Variants in EXOC2 observed in about 807,000 individuals in gnomAD.
The protein encoded by EXOC2 is exocyst complex component 2.
Under a neutral mutation model 131.8 loss-of-function variants are expected in EXOC2, and 70 were observed. That is an observed-to-expected ratio of 0.53 (90% CI 0.44 to 0.65). The LOEUF is 0.65. Among genes scored for constraint, EXOC2 ranks in the 30% least tolerant of loss-of-function variants. The probability of loss-of-function intolerance (pLI) is 0.00; values close to 1 mark genes in which losing one functional copy is unlikely to be tolerated. For synonymous variants in EXOC2, 411 were observed against 398.4 expected (o/e 1.03, Z -0.38); for missense variants, 923 against 1,108.6 (o/e 0.83, Z 2.38).
chr6:634,786 A>G (rs1762021159), intron 2 of EXOC2, among the ~76,000 whole-genome samples: 1 of 152,164 alleles, frequency 6.6e-6, no homozygotes. Context: ...TTCATTATTC[A>G]AAATTATTTT....
At chr6:492,398 C>T (rs780830222) in intron 25 of EXOC2, among the ~76,000 whole-genome samples, 10 of 152,202 alleles carry the variant, frequency 6.6e-5, no homozygotes, top group Non-Finnish European at 1.3e-4. Context: ...CAATTCCGCT[C>T]CTTGGTATGC....
chr6:495,726 G>C (rs1220208914), intron 25 of EXOC2, among the ~76,000 whole-genome samples: 1 of 152,108 alleles, frequency 6.6e-6, no homozygotes, highest in Non-Finnish European at 1.5e-5. Context: ...TTATCCTGAT[G>C]GATGTGTGAT....
chr6:599,251 T>G, intron 7 of EXOC2, 26 bp from the exon 8 acceptor site: 1 of 1,513,442 alleles, frequency 6.6e-7, no homozygotes, highest in Non-Finnish European at 8.9e-7. Context: ...GAAAGGAAAC[T>G]TAGATGAAAG....
intron 22 of EXOC2, among the ~76,000 whole-genome samples, chr6:538,322 C>T (rs2127549769): frequency 6.6e-6 from 1 of 152,288 alleles, no homozygotes; most frequent in Admixed American, 6.5e-5. Flanking sequence ...TCACTAACAC[C>T]CTGTTCACAC....
intron 23 of EXOC2, among the ~76,000 whole-genome samples, chr6:518,769 A>G (rs1020388660): frequency 7.2e-5 from 11 of 152,240 alleles, no homozygotes; most frequent in African/African-American, 2.4e-4. Flanking sequence ...AAAGATGACC[A>G]ATGAAAATTA....
rs556560260 is a variant in EXOC2, at chr6:618,255, T to C, written c.537-420A>G. Among the ~76,000 whole-genome samples, 7 of 152,332 alleles carry C rather than the reference T, an allele frequency of 4.6e-5. No homozygotes were observed. In the South Asian group the frequency reaches 1.0e-3, roughly 23 times the overall value. ...ACTGCTTTGTACATTCACTGAAGCA[T>C]TGTGGAACACTAAGCATAATGTTAT... On this transcript the variant is annotated intron_variant, in intron 5 of 27. Transcript: ENST00000230449.
intron 22 of EXOC2, among the ~76,000 whole-genome samples, chr6:547,105 T>C (rs1395009919): frequency 6.6e-6 from 1 of 152,268 alleles, no homozygotes; most frequent in Non-Finnish European, 1.5e-5. Context: ...ATGATACCAT[T>C]CCTGATTTCA....
In EXOC2 at chr6:506,209, T is replaced by G. The variant is rs1300140682; in HGVS notation, c.2381-6509A>C. On this transcript the variant is annotated intron_variant, in intron 23 of 27. Coordinates refer to ENST00000230449, the MANE Select transcript of EXOC2 (RefSeq NM_018303.6). This position sits in a 1 kb window ranked among gnomAD's most constrained non-coding sequence, Gnocchi z 4.4. ...AAAATATGCTTTATTTTTCCAGCAATATACTGAAATAATGTCATTAGGTAT... is the reference window on the plus strand; with the variant it reads ...AAAATATGCTTTATTTTTCCAGCAAGATACTGAAATAATGTCATTAGGTAT... 6.6e-6 allele frequency among the ~76,000 whole-genome samples: 1 copy of G among 152,242 alleles called. No individual in the cohort carries two copies. The highest frequency in any genetic ancestry group is 2.4e-5 in the African/African-American group (1 of 41,466).
chr6:669,721 A>G (rs1763777613), intron 1 of EXOC2: 1 of 152,464 alleles, frequency 6.6e-6, no homozygotes. Flanking sequence ...AAAGGACTTC[A>G]CAGTGATGGT....
chr6:536,860 TTATAAAA>T (rs1766473200), intron 22 of EXOC2, among the ~76,000 whole-genome samples: 1 of 152,142 alleles, frequency 6.6e-6, no homozygotes, highest in African/African-American at 2.4e-5. Context: ...TCAAAAGATA[TTATAAAA>T]ACAAAACAGC....
chr6:683,575 AACCG>A (rs1764509706), intron 1 of EXOC2, among the ~76,000 whole-genome samples: 1 of 112,136 alleles, frequency 8.9e-6, no homozygotes. Flanking sequence ...TCAAGAAACC[AACCG>A]TCAGCTTAAA....
chr6:616,648 GCTGCATCACATACA>G (rs1025409574), intron 6 of EXOC2, among the ~76,000 whole-genome samples: 7 of 149,032 alleles, frequency 4.7e-5, no homozygotes, highest in Non-Finnish European at 7.4e-5. Context: ...CAAGGAAGAA[GCTGCATCACATACA>G]CTGCATCACA....
intron 23 of EXOC2, chr6:525,166 T>G (rs1393354284): frequency 6.6e-6 from 1 of 152,242 alleles, no homozygotes; most frequent in Admixed American, 6.5e-5. Flanking sequence ...GCACTTTTTA[T>G]TCTGTGGTAG....
At chr6:644,534 A>T (rs1427425632) in intron 1 of EXOC2, among the ~76,000 whole-genome samples, 1 of 152,144 alleles carries the variant, frequency 6.6e-6, no homozygotes, top group Non-Finnish European at 1.5e-5. Context: ...AATAAAAAGC[A>T]GAAAGATGGC....
chr6:572,822 C>A (rs773946421), intron 12 of EXOC2, among the ~76,000 whole-genome samples, 178 bp from the exon 13 acceptor site: 2 of 152,240 alleles, frequency 1.3e-5, no homozygotes, highest in Non-Finnish European at 2.9e-5. Context: ...ACGCTCGTCA[C>A]CAGACACCCC....
intron 13 of EXOC2, among the ~76,000 whole-genome samples, chr6:568,611 C>T (rs1055985878): frequency 7.9e-5 from 12 of 152,140 alleles, no homozygotes; most frequent in African/African-American, 2.9e-4. Context: ...GATTCGTGGA[C>T]GCTTGCTTCA....
intron 13 of EXOC2, among the ~76,000 whole-genome samples, chr6:566,508 C>T (rs1456597011): frequency 2.0e-5 from 3 of 152,190 alleles, no homozygotes; most frequent in East Asian, 1.9e-4. Context: ...CACGCCCGCT[C>T]GGCTAACACC....
chr6:590,300 T>C (rs1004839375), intron 11 of EXOC2, among the ~76,000 whole-genome samples: 1 of 152,154 alleles, frequency 6.6e-6, no homozygotes. Context: ...TTGCTAAAAA[T>C]ATAAAATAAT....
intron 1 of EXOC2, among the ~76,000 whole-genome samples, chr6:683,257 A>T (rs1202863817): frequency 6.6e-6 from 1 of 152,238 alleles, no homozygotes; most frequent in East Asian, 1.9e-4. Context: ...GAAGCTAAAC[A>T]ATGCAAAATC....
Sources: allele counts gnomAD v4.1 joint callset (sites outside exome capture counted in the v4.1 genomes callset), GRCh38; gene constraint gnomAD v4.1.1; non-coding constraint Gnocchi (gnomAD v3.1); transcripts MANE v1.5; gene names NCBI Gene and HGNC (gene_info 2026-07-23, HGNC 2026-07-21).